Variants in PDZD2 observed in about 807,000 individuals in gnomAD.
PDZD2 encodes PDZ domain-containing protein 2.
PDZD2 carries 90 observed loss-of-function variants against 220.7 expected under a neutral mutation model. The observed-to-expected ratio is 0.41, with a 90% CI of 0.34 to 0.49. The LOEUF (loss-of-function observed/expected upper bound fraction) is 0.49. PDZD2 is among the 20% of genes least tolerant of loss of function. The pLI, the probability that PDZD2 is intolerant of heterozygous loss-of-function variation, is 0.28. For missense variants in PDZD2, 3,174 were observed against 3,608.5 expected (o/e 0.88, Z 3.08); for synonymous variants, 1,375 against 1,450.5 (o/e 0.95, Z 1.18).
At chr5:31,871,584 G>T (rs1328855435) in intron 2 of PDZD2, among the ~76,000 whole-genome samples, 1 of 152,026 alleles carries the variant, frequency 6.6e-6, no homozygotes, top group East Asian at 1.9e-4. Flanking sequence ...CTGAGTAGCT[G>T]GGATTACAGG....
chr5:31,676,751 A>G (rs985407675), intron 1 of PDZD2, among the ~76,000 whole-genome samples: 1 of 151,774 alleles, frequency 6.6e-6, no homozygotes, highest in African/African-American at 2.4e-5. Context: ...GACAGGGTTC[A>G]CCATGTTGGC....
intron 2 of PDZD2, chr5:31,822,757 CA>C: frequency 9.0e-7 from 1 of 1,109,172 alleles, no homozygotes. Flanking sequence ...TGGCCTCATC[CA>C]AATCCTGCAG....
At chr5:31,803,711 G>A (rs551413629) in intron 2 of PDZD2, among the ~76,000 whole-genome samples, 5 of 152,112 alleles carry the variant, frequency 3.3e-5, no homozygotes, top group South Asian at 2.1e-4. Context: ...GCAGCCTGTC[G>A]ATGTTCAAGA....
At chr5:31,765,442 C>G (rs1164042572) in intron 1 of PDZD2, among the ~76,000 whole-genome samples, 1 of 152,182 alleles carries the variant, frequency 6.6e-6, no homozygotes, top group Non-Finnish European at 1.5e-5. Flanking sequence ...AAGATGGTAA[C>G]TTAACTTCTA....
chr5:32,042,632 C>A (rs1345334095), intron 7 of PDZD2, among the ~76,000 whole-genome samples: 1 of 152,106 alleles, frequency 6.6e-6, no homozygotes, highest in African/African-American at 2.4e-5. Context: ...GCTCATGACT[C>A]AGAATAATTA....
intron 2 of PDZD2, among the ~76,000 whole-genome samples, chr5:31,926,541 AAAAAG>A (rs1744790177): frequency 6.7e-6 from 1 of 149,230 alleles, no homozygotes; most frequent in African/African-American, 2.5e-5. Context: ...AAAAAAAAAA[AAAAAG>A]AAAATTAAAA....
chr5:31,863,709 C>T (rs1737932807), intron 2 of PDZD2, among the ~76,000 whole-genome samples: 1 of 152,140 alleles, frequency 6.6e-6, no homozygotes. Flanking sequence ...TTTCACTTGT[C>T]AGTCCCTCTG....
intron 1 of PDZD2, among the ~76,000 whole-genome samples, chr5:31,703,167 G>A (rs1356318965): frequency 6.6e-6 from 1 of 152,228 alleles, no homozygotes; most frequent in East Asian, 1.9e-4. Flanking sequence ...TAATTGTAAA[G>A]AGCGGCCATT....
At chr5:31,947,304 C>T (rs1240554340) in intron 2 of PDZD2, among the ~76,000 whole-genome samples, 1 of 152,152 alleles carries the variant, frequency 6.6e-6, no homozygotes, top group Non-Finnish European at 1.5e-5. Context: ...TGATGAAATG[C>T]CCATGTATGC....
At chr5:31,717,782 G>A (rs1748541668) in intron 1 of PDZD2, among the ~76,000 whole-genome samples, 1 of 152,194 alleles carries the variant, frequency 6.6e-6, no homozygotes, top group African/African-American at 2.4e-5. Context: ...TGGGCATCTG[G>A]GAGGGGACAG....
rs555231282 is a variant in PDZD2 at position 32,073,979 on chromosome 5, G to A, written c.2873G>A (p.Arg958His). ...SPQALRNPLL[R>H]QRKVGCYDAN... ...CAGGCCCTCCGAAACCCTCTCCTCC[G>A]CCAGAGGAAGGTAGGCTGCTACGAT... Residue 958 changes from arginine (R) to histidine (H), a missense_variant, in exon 18 of 25, where the codon CGC becomes CAC. By Grantham distance (29) the Arg-to-His change is conservative. Transcript: ENST00000438447. 52 of 1,614,118 alleles carry A rather than the reference G, an allele frequency of 3.2e-5. No individual in the cohort carries two copies. The highest frequency in any genetic ancestry group is 7.7e-5 in the South Asian group (7 of 91,074).
At chr5:31,917,393 C>G (rs1985829) in intron 2 of PDZD2, among the ~76,000 whole-genome samples, 140,317 of 152,194 alleles carry the variant, frequency 0.92, 64,885 homozygotes, top group East Asian at 0.98. Flanking sequence ...ACTTACCCTG[C>G]CATGGGTGCC....
At chr5:32,057,133 G>T (rs1739164728) in intron 10 of PDZD2, among the ~76,000 whole-genome samples, 1 of 151,956 alleles carries the variant, frequency 6.6e-6, no homozygotes, top group African/African-American at 2.4e-5. Context: ...AAAAAAGACT[G>T]TTTCTGGGCT....
At chr5:31,670,183 C>A (rs930270576) in intron 1 of PDZD2, among the ~76,000 whole-genome samples, 1 of 152,078 alleles carries the variant, frequency 6.6e-6, no homozygotes, top group African/African-American at 2.4e-5. Context: ...GGTGTTTGAA[C>A]CTAAACTCAA....
intron 5 of PDZD2, among the ~76,000 whole-genome samples, chr5:32,006,250 G>A (rs1752786430): frequency 6.6e-6 from 1 of 151,288 alleles, no homozygotes; most frequent in South Asian, 2.1e-4. Context: ...ATTACCTTTA[G>A]CTTATTATTA....
chr5:31,927,449 A>G (rs573139492), intron 2 of PDZD2, among the ~76,000 whole-genome samples: 41 of 152,246 alleles, frequency 2.7e-4, no homozygotes, highest in Middle Eastern at 3.4e-3. Flanking sequence ...CAGTGGCACT[A>G]TCTCGCTCAC....
At chr5:31,858,153 G>A (rs1250771895) in intron 2 of PDZD2, among the ~76,000 whole-genome samples, 3 of 152,012 alleles carry the variant, frequency 2.0e-5, no homozygotes, top group Non-Finnish European at 4.4e-5. Context: ...AGTAGAGGCG[G>A]GGTTTCACCA....
chr5:31,876,100 T>G (rs942658290), intron 2 of PDZD2, among the ~76,000 whole-genome samples: 6 of 152,234 alleles, frequency 3.9e-5, no homozygotes, highest in African/African-American at 1.4e-4. Context: ...GTTTATCACT[T>G]CATTAATCCA....
chr5:31,727,680 A>G (rs1240861740), intron 1 of PDZD2, among the ~76,000 whole-genome samples: 1 of 138,282 alleles, frequency 7.2e-6, no homozygotes, highest in Admixed American at 7.5e-5. Context: ...AACCTGGGCA[A>G]CAAGTAGCAA....
Sources: gnomAD v4.1 joint callset for allele counts (sites outside exome capture counted in the v4.1 genomes callset) on GRCh38, gnomAD v4.1.1 for gene constraint, MANE v1.5 for transcripts, NCBI Gene and HGNC (gene_info 2026-07-23, HGNC 2026-07-21) for gene names.